Variants in NSUN6 observed in about 807,000 individuals in gnomAD.
NSUN6 encodes the protein tRNA (cytosine(72)-C(5))-methyltransferase NSUN6.
A neutral mutation model predicts 58.0 loss-of-function variants in NSUN6; 64 were observed. The observed-to-expected ratio is 1.10, with a 90% CI of 0.90 to 1.36. The LOEUF is 1.36. NSUN6 is among the 40% of genes most tolerant of loss of function. The probability of loss-of-function intolerance (pLI) is 0.00; values close to 1 mark genes in which losing one functional copy is unlikely to be tolerated. For missense variants in NSUN6, 701 were observed against 550.1 expected (o/e 1.27, Z -2.74); for synonymous variants, 231 against 193.9 (o/e 1.19, Z -1.59).
intron 4 of NSUN6, among the ~76,000 whole-genome samples, chr10:18,615,950 A>C (rs1036819649): frequency 1.3e-5 from 2 of 152,088 alleles, no homozygotes; most frequent in Non-Finnish European, 2.9e-5. Flanking sequence ...CCACTAAAAC[A>C]ACCATCATCA....
intron 5 of NSUN6, among the ~76,000 whole-genome samples, chr10:18,612,517 A>G (rs1203522794): frequency 6.6e-6 from 1 of 152,202 alleles, no homozygotes; most frequent in Non-Finnish European, 1.5e-5. Context: ...CTTGAATTCC[A>G]TAGTCTGATC....
rs1564724336 is a variant in NSUN6, at chr10:18,563,211, TGGAA to T, written c.923-11244_923-11241del. Among the ~76,000 whole-genome samples, 115 of 141,772 alleles carry T rather than the reference TGGAA, an allele frequency of 8.1e-4. 2 individuals carry two copies. The highest frequency in any genetic ancestry group is 3.0e-3 in the African/African-American group (109 of 36,664). 93.0% of individuals were successfully genotyped at this position (141,772 alleles called of 152,430 possible). On this transcript the variant is annotated intron_variant, in intron 8 of 10. Coordinates refer to ENST00000377304, the MANE Select transcript of NSUN6 (RefSeq NM_182543.5). ...GTATGGAATGGAATGGAGAATGGTA[TGGAA>T]TGGAATGGAGAATGGTATGGAATGG...
At chr10:18,632,794 T>G in intron 3 of NSUN6, among the ~76,000 whole-genome samples, 1 of 152,172 alleles carries the variant, frequency 6.6e-6, no homozygotes, top group Non-Finnish European at 1.5e-5. Flanking sequence ...AGGAACAATT[T>G]TACACTGTTG....
chr10:18,575,929 C>A (rs1208641502), intron 8 of NSUN6, among the ~76,000 whole-genome samples: 2 of 152,012 alleles, frequency 1.3e-5, no homozygotes, highest in African/African-American at 2.4e-5. Flanking sequence ...GCATCAAGAT[C>A]AGCCTGGGGA....
At chr10:18,651,803 C>T, upstream of NSUN6, 1 of 985,366 alleles carries the variant, frequency 1.0e-6, no homozygotes, top group Non-Finnish European at 1.2e-6. Flanking sequence ...ACCCCGCGGG[C>T]GGGATGGTCA....
chr10:18,569,858 G>GCATTC (rs1214597391), intron 8 of NSUN6, among the ~76,000 whole-genome samples: 1 of 121,638 alleles, frequency 8.2e-6, no homozygotes, highest in Non-Finnish European at 1.8e-5. Flanking sequence ...ATCCCATTCC[G>GCATTC]CATTCCATTC....
chr10:18,605,954 T>C (rs1325725275), intron 6 of NSUN6, among the ~76,000 whole-genome samples: 1 of 151,944 alleles, frequency 6.6e-6, no homozygotes, highest in Non-Finnish European at 1.5e-5. Context: ...AGAATATATA[T>C]AAGAAATAAA....
At chr10:18,578,135 G>C (rs1033076580) in intron 8 of NSUN6, among the ~76,000 whole-genome samples, 1 of 152,036 alleles carries the variant, frequency 6.6e-6, no homozygotes, top group African/African-American at 2.4e-5. Context: ...CTTATAACCA[G>C]GAGGTGCCCT....
At chr10:18,597,616 A>G (rs2057642699) in intron 6 of NSUN6, among the ~76,000 whole-genome samples, 1 of 152,070 alleles carries the variant, frequency 6.6e-6, no homozygotes, top group African/African-American at 2.4e-5. Context: ...CTAAAAATAC[A>G]TTAGCTGGGC....
At chr10:18,565,783 C>T (rs989538108) in intron 8 of NSUN6, among the ~76,000 whole-genome samples, 2 of 151,220 alleles carry the variant, frequency 1.3e-5, no homozygotes, top group African/African-American at 4.8e-5. Flanking sequence ...CCCTTTCATT[C>T]CATTCTCCAC....
At chr10:18,630,615 T>C (rs1460323258) in intron 3 of NSUN6, among the ~76,000 whole-genome samples, 1 of 152,178 alleles carries the variant, frequency 6.6e-6, no homozygotes, top group Non-Finnish European at 1.5e-5. Context: ...CATCAGAGAA[T>C]ACTACAAACA....
At chr10:18,585,627 T>C (rs2057096485) in intron 8 of NSUN6, among the ~76,000 whole-genome samples, 1 of 151,982 alleles carries the variant, frequency 6.6e-6, no homozygotes, top group African/African-American at 2.4e-5. Context: ...GAAAGAATAG[T>C]GGTTACCAGA....
chr10:18,604,129 C>G (rs1370485251), intron 6 of NSUN6, among the ~76,000 whole-genome samples: 1 of 152,062 alleles, frequency 6.6e-6, no homozygotes, highest in Admixed American at 6.5e-5. Context: ...CTGCAGTGAG[C>G]TGAGATCGTG....
At chr10:18,546,490 A>G (rs2054271124) in intron 10 of NSUN6, among the ~76,000 whole-genome samples, 1 of 152,154 alleles carries the variant, frequency 6.6e-6, no homozygotes, top group Admixed American at 6.6e-5. Flanking sequence ...TTAACTAACC[A>G]CATTTCCTCA....
rs1470681264 is a variant in NSUN6, at chr10:18,585,962, C to T, written c.909G>A (p.Val303=). Residue 303 remains valine (V), a synonymous_variant, in exon 8 of 11, where the codon GTG becomes GTA. Transcript: ENST00000377304. The part of the protein sequence containing the change: ...DGTKAVKLDM[V]EDTEGEPPFL... ...AAAATAGCTCACCTTCTGTGTCCTCCACCATATCAAGTTTAACCGCCTTTG... is the reference window on the plus strand; with the variant it reads ...AAAATAGCTCACCTTCTGTGTCCTCTACCATATCAAGTTTAACCGCCTTTG... 1 of 1,604,670 alleles carries T rather than the reference C, an allele frequency of 6.2e-7. No individual in the cohort carries two copies. The highest frequency in any genetic ancestry group is 2.2e-5 in the East Asian group (1 of 44,780).
intron 8 of NSUN6, among the ~76,000 whole-genome samples, chr10:18,583,099 CTAAAA>C (rs1321219300): frequency 6.6e-6 from 1 of 152,204 alleles, no homozygotes; most frequent in African/African-American, 2.4e-5. Flanking sequence ...AACTGATCAA[CTAAAA>C]TTATAATATT....
rs2058581669 is a variant in NSUN6 at position 18,620,886 on chromosome 10, G to C, written c.312-4593C>G. Among the ~76,000 whole-genome samples, 5 of 152,202 alleles carry C rather than the reference G, an allele frequency of 3.3e-5. No homozygotes were observed. In the South Asian group the frequency reaches 1.0e-3, roughly 31 times the overall value. ...AAATTCAAAAACATGTTTTGTGGAA[G>C]TGAAATCTGTAGTGTTAGATTTTAT... is the stretch of plus-strand genomic sequence containing the variant. On this transcript the variant is annotated intron_variant, in intron 3 of 10. Transcript: ENST00000377304.
chr10:18,596,261 A>C lies in NSUN6; in HGVS notation c.724T>G (p.Cys242Gly). Residue 242 changes from cysteine to glycine, a missense_variant, in exon 7 of 11, where the codon TGT (cysteine) becomes GGT (glycine). Physicochemically the swap from Cys to Gly is radical, Grantham distance 159. Transcript: ENST00000377304. The part of the protein sequence containing the change: ...PQPGEKILDL[C>G]AAPGGKTTHI... ...GTTGTTTTCCCTCCAGGTGCTGCAC[A>C]CAAGTCTAGAATCTTCTCTCCAGGT... is the stretch of plus-strand genomic sequence containing the variant. 2 of 1,608,744 alleles carry C rather than the reference A, an allele frequency of 1.2e-6. No homozygotes were observed. The highest frequency in any genetic ancestry group is 1.7e-6 in the Non-Finnish European group (2 of 1,175,040).
intron 9 of NSUN6, among the ~76,000 whole-genome samples, chr10:18,550,405 C>CA (rs1266739598): frequency 2.6e-5 from 4 of 152,204 alleles, no homozygotes; most frequent in Non-Finnish European, 4.4e-5. Flanking sequence ...AGAATGTACT[C>CA]AAAGGCAGCT....
Sources: gnomAD v4.1 joint callset for allele counts (sites outside exome capture counted in the v4.1 genomes callset) on GRCh38, gnomAD v4.1.1 for gene constraint, MANE v1.5 for transcripts, NCBI Gene and HGNC (gene_info 2026-07-23, HGNC 2026-07-21) for gene names.